The following RANBP2 variants were observed in gnomAD, a reference collection of about 807,000 sequenced individuals.
RANBP2 encodes the protein RAN binding protein 2, also known as E3 SUMO-protein ligase RanBP2.
Under a neutral mutation model 303.6 loss-of-function variants are expected in RANBP2, and 57 were observed. That is an observed-to-expected ratio of 0.19 (90% CI 0.15 to 0.23). The LOEUF is 0.23. Ranked by LOEUF, RANBP2 falls within the 10% of genes least tolerant of loss-of-function variation. The pLI is 1.00. For missense variants in RANBP2, 3,138 were observed against 3,780.8 expected, an observed-to-expected ratio of 0.83 and a Z score of 4.46; for synonymous variants, 1,167 against 1,301.5, an observed-to-expected ratio of 0.90 and a Z score of 2.23.
At chr2:109,354,533 T>G in the RANBP2 span, among the ~76,000 whole-genome samples, 1 of 152,232 alleles carries the variant, frequency 6.6e-6, no homozygotes, top group South Asian at 2.1e-4. Context: ...GCACTGGATG[T>G]GGGTTTATCC....
chr2:109,698,140 G>A, the RANBP2 span, among the ~76,000 whole-genome samples: 9 of 152,064 alleles, frequency 5.9e-5, no homozygotes, highest in African/African-American at 1.9e-4. Context: ...TTACAGTCAT[G>A]AGCCACTGCA....
intron 25 of RANBP2, among the ~76,000 whole-genome samples, chr2:108,777,470 C>T (rs572120931): frequency 6.6e-6 from 1 of 152,214 alleles, no homozygotes; most frequent in South Asian, 2.1e-4. Flanking sequence ...TTCTGAAATG[C>T]AGAACCATTT....
the RANBP2 span, among the ~76,000 whole-genome samples, chr2:108,869,558 A>G: frequency 6.6e-6 from 1 of 152,308 alleles, no homozygotes; most frequent in African/African-American, 2.4e-5. Context: ...CAGGGAGACT[A>G]CAGACCTGTG....
At chr2:109,348,718 CT>C in the RANBP2 span, among the ~76,000 whole-genome samples, 8 of 152,248 alleles carry the variant, frequency 5.3e-5, no homozygotes, top group East Asian at 1.2e-3. Flanking sequence ...CTTATCCAGG[CT>C]GCTTGCTGGG....
chr2:109,000,383 C>T, the RANBP2 span, among the ~76,000 whole-genome samples: 1 of 151,942 alleles, frequency 6.6e-6, no homozygotes, highest in Non-Finnish European at 1.5e-5. Context: ...AAAAATTAGC[C>T]AGGCATAATG....
At chr2:109,197,077 T>C in the RANBP2 span, among the ~76,000 whole-genome samples, 2 of 151,918 alleles carry the variant, frequency 1.3e-5, no homozygotes, top group Non-Finnish European at 2.9e-5. Context: ...CACAGAGAGG[T>C]GGAAGAACTG....
chr2:109,064,427 G>GCCT, the RANBP2 span, among the ~76,000 whole-genome samples: 2 of 124,586 alleles, frequency 1.6e-5, no homozygotes, highest in African/African-American at 6.1e-5. Flanking sequence ...CTCCACTCCA[G>GCCT]CCTGGGTGAC....
the RANBP2 span, among the ~76,000 whole-genome samples, chr2:109,533,840 T>G: frequency 6.6e-6 from 1 of 152,186 alleles, no homozygotes; most frequent in South Asian, 2.1e-4. Flanking sequence ...AGTTCAAATT[T>G]ATTTGTCTTG....
chr2:109,112,695 T>A, the RANBP2 span, among the ~76,000 whole-genome samples: 3 of 152,200 alleles, frequency 2.0e-5, no homozygotes, highest in African/African-American at 7.2e-5. Flanking sequence ...GTTTTGGACA[T>A]GAAGTCCTTG....
At chr2:109,704,693 A>T in the RANBP2 span, among the ~76,000 whole-genome samples, 1 of 151,884 alleles carries the variant, frequency 6.6e-6, no homozygotes, top group Non-Finnish European at 1.5e-5. Flanking sequence ...CTACTAAAAA[A>T]TACAAAAATT....
At chr2:108,866,412 C>T in the RANBP2 span, among the ~76,000 whole-genome samples, 1 of 152,198 alleles carries the variant, frequency 6.6e-6, no homozygotes, top group East Asian at 1.9e-4. Context: ...TTGGGGGAAC[C>T]ATCATTCAGC....
the RANBP2 span, among the ~76,000 whole-genome samples, chr2:109,321,534 T>C: frequency 2.6e-5 from 4 of 152,238 alleles, no homozygotes; most frequent in East Asian, 5.8e-4. Flanking sequence ...TTTATTAAAA[T>C]AGAAATTTAA....
the RANBP2 span, among the ~76,000 whole-genome samples, chr2:109,170,236 TCTTTTCTTTTCTC>T: frequency 1.9e-3 from 72 of 38,790 alleles, no homozygotes; most frequent in Non-Finnish European, 2.3e-3. Context: ...TCTCTTCTCT[TCTTTTCTTTTCTC>T]TTCTCTTCTC....
the RANBP2 span, among the ~76,000 whole-genome samples, chr2:109,339,477 C>G: frequency 6.6e-6 from 1 of 152,138 alleles, no homozygotes; most frequent in African/African-American, 2.4e-5. Context: ...CCCCATTGAC[C>G]TGAGGCCACC....
chr2:109,430,089 T>G, the RANBP2 span, among the ~76,000 whole-genome samples: 1 of 152,174 alleles, frequency 6.6e-6, no homozygotes, highest in Non-Finnish European at 1.5e-5. Flanking sequence ...GTTCTGAGCC[T>G]GCCTTGGCAG....
the RANBP2 span, among the ~76,000 whole-genome samples, chr2:109,448,448 C>T: frequency 1.3e-5 from 2 of 152,160 alleles, no homozygotes; most frequent in Non-Finnish European, 2.9e-5. Context: ...TTTACAGCCC[C>T]TCCTCAACGC....
the RANBP2 span, chr2:109,251,382 T>C: frequency 9.0e-6 from 6 of 666,262 alleles, no homozygotes; most frequent in Non-Finnish European, 1.7e-5. Flanking sequence ...AGTCTGTGCA[T>C]TCCTTTCCAA....
chr2:109,213,698 G>A, the RANBP2 span, among the ~76,000 whole-genome samples: 2,393 of 152,312 alleles, frequency 0.016, 81 homozygotes, highest in African/African-American at 0.053. Context: ...CATCTGTCAC[G>A]TGTCAGAGCC....
chr2:108,982,661 T>A, the RANBP2 span, among the ~76,000 whole-genome samples: 1 of 152,224 alleles, frequency 6.6e-6, no homozygotes, highest in African/African-American at 2.4e-5. Flanking sequence ...GTTTGGATAA[T>A]AATTTTCATC....
Sources: allele counts gnomAD v4.1 joint callset (sites outside exome capture counted in the v4.1 genomes callset), GRCh38; gene constraint gnomAD v4.1.1; transcripts MANE v1.5; gene names NCBI Gene and HGNC (gene_info 2026-07-23, HGNC 2026-07-21).